The following RASA2 variants were observed in gnomAD, a reference collection of about 807,000 sequenced individuals.
RASA2 encodes the protein RAS p21 protein activator 2, also known as ras GTPase-activating protein 2.
Under a neutral mutation model 118.2 loss-of-function variants are expected in RASA2, and 155 were observed. The observed-to-expected ratio is 1.31, with a 90% CI of 1.15 to 1.50. The LOEUF is 1.50. RASA2 is among the 40% of genes most tolerant of loss of function. RASA2 has a pLI of 0.00. For missense variants in RASA2, 1,016 were observed against 1,009.6 expected (o/e 1.01, Z -0.09); for synonymous variants, 353 against 349.1 (o/e 1.01, Z -0.12).
chr3:141,536,119 G>A (rs879732881), intron 4 of RASA2, among the ~76,000 whole-genome samples: 10 of 152,120 alleles, frequency 6.6e-5, no homozygotes, highest in South Asian at 2.1e-4. Flanking sequence ...CCATTTTCAC[G>A]CTGCTGATAA....
chr3:141,600,771 T>C (rs2083451016), intron 19 of RASA2, among the ~76,000 whole-genome samples: 1 of 152,046 alleles, frequency 6.6e-6, no homozygotes, highest in Non-Finnish European at 1.5e-5. Flanking sequence ...CCACTCCAAA[T>C]CCCAGCCAGT....
chr3:141,571,492 G>A lies in RASA2; in HGVS notation c.1107G>A (p.Leu369=). Residue 369 remains leucine, a synonymous_variant, in exon 11 of 24, where the codon CTG becomes CTA. Coordinates refer to ENST00000286364, the MANE Select transcript of RASA2 (RefSeq NM_006506.5). ...TTTTGCCCCTTGTACGACTGCTGCTGCACCATGATAAACTTGTTCCTTTTG... is the reference window on the plus strand; with the variant it reads ...TTTTGCCCCTTGTACGACTGCTGCTACACCATGATAAACTTGTTCCTTTTG... ...DAVLPLVRLL[L]HHDKLVPFAT... is the part of the protein sequence containing the mutation. 3.1e-6 allele frequency: 5 copies of A among 1,613,120 alleles called. No individual in the cohort carries two copies. The highest frequency in any genetic ancestry group is 2.2e-5 in the South Asian group (2 of 90,960).
At chr3:141,555,812 A>T in intron 6 of RASA2, 28 bp from the exon 7 acceptor site, 1 of 1,575,932 alleles carries the variant, frequency 6.3e-7, no homozygotes, top group Non-Finnish European at 8.7e-7. Context: ...TAAGTTCTAC[A>T]AGGTAAAACT....
At chr3:141,593,505 A>C (rs958878092) in intron 19 of RASA2, among the ~76,000 whole-genome samples, 2 of 152,160 alleles carry the variant, frequency 1.3e-5, no homozygotes, top group African/African-American at 2.4e-5. Context: ...TGAGGCATAA[A>C]GAGGAGTTCT....
chr3:141,612,341 G>T lies in RASA2; in HGVS notation c.*28G>T. ...TTTAACAGATTGGTTCAGAAGAACT[G>T]GAAAATATTATTTTTCTTGGAGCTT... On this transcript the variant is annotated 3_prime_UTR_variant, in exon 24 of 24. Coordinates refer to ENST00000286364, the MANE Select transcript of RASA2 (RefSeq NM_006506.5). The T allele has an allele frequency of 6.5e-7, 1 of 1,539,002 alleles. No homozygotes were observed. Among genetic ancestry groups the T allele is most frequent in the South Asian group, 1.2e-5 (1 of 84,324 alleles).
chr3:141,515,389 C>T (rs1283775794), intron 2 of RASA2, among the ~76,000 whole-genome samples: 1 of 152,056 alleles, frequency 6.6e-6, no homozygotes, highest in African/African-American at 2.4e-5. Flanking sequence ...AAATGGTCCA[C>T]CTTAGGTGAG....
chr3:141,487,329 G>C, intron 1 of RASA2, 113 bp downstream of exon 1: 4 of 1,163,574 alleles, frequency 3.4e-6, no homozygotes, highest in Non-Finnish European at 4.3e-6. Flanking sequence ...GCGGGCCCGG[G>C]AGGGGGCCTG....
At chr3:141,505,871 A>G (rs2081858691) in intron 1 of RASA2, among the ~76,000 whole-genome samples, 1 of 152,184 alleles carries the variant, frequency 6.6e-6, no homozygotes, top group Non-Finnish European at 1.5e-5. Context: ...TAAGATATGT[A>G]TGATTTAGGA....
intron 19 of RASA2, among the ~76,000 whole-genome samples, chr3:141,599,283 TTA>T (rs1472220087): frequency 6.6e-6 from 1 of 151,526 alleles, no homozygotes; most frequent in African/African-American, 2.4e-5. Flanking sequence ...TAATTTTATT[TTA>T]TGTTACTCTG....
chr3:141,593,140 C>T (rs1369652110), intron 19 of RASA2, among the ~76,000 whole-genome samples: 1 of 152,120 alleles, frequency 6.6e-6, no homozygotes, highest in Non-Finnish European at 1.5e-5. Flanking sequence ...CTCCACCTCC[C>T]AGGTTTAAGT....
chr3:141,572,385 C>T (rs992696819), intron 11 of RASA2, among the ~76,000 whole-genome samples: 1 of 152,114 alleles, frequency 6.6e-6, no homozygotes, highest in Non-Finnish European at 1.5e-5. Context: ...AGCCATCACA[C>T]CTGGCCATTA....
chr3:141,536,872 C>G (rs539696044), intron 4 of RASA2, among the ~76,000 whole-genome samples: 2 of 151,706 alleles, frequency 1.3e-5, no homozygotes, highest in Non-Finnish European at 2.9e-5. Context: ...CTCAGCCTCC[C>G]GAATAGCTGG....
intron 4 of RASA2, among the ~76,000 whole-genome samples, chr3:141,536,654 A>G (rs887219127): frequency 3.9e-5 from 6 of 152,196 alleles, no homozygotes; most frequent in Admixed American, 3.3e-4. Context: ...ACATACATGA[A>G]AAGTATACTG....
intron 5 of RASA2, among the ~76,000 whole-genome samples, chr3:141,548,939 G>A (rs1490286710): frequency 1.3e-5 from 2 of 152,122 alleles, no homozygotes; most frequent in East Asian, 3.9e-4. Flanking sequence ...CTTCCTCTGT[G>A]TTCAATCTGC....
intron 1 of RASA2, among the ~76,000 whole-genome samples, chr3:141,504,337 AC>A (rs2151074835): frequency 6.6e-6 from 1 of 152,210 alleles, no homozygotes; most frequent in South Asian, 2.1e-4. Context: ...TTGTCCTTGG[AC>A]AGATTGTCTG....
intron 3 of RASA2, among the ~76,000 whole-genome samples, chr3:141,523,751 A>T (rs1295734787): frequency 6.6e-6 from 1 of 151,964 alleles, no homozygotes; most frequent in Non-Finnish European, 1.5e-5. Flanking sequence ...CCGACCCCTC[A>T]CTCCACCTTG....
At chr3:141,598,827 A>G (rs1245333357) in intron 19 of RASA2, among the ~76,000 whole-genome samples, 4 of 152,094 alleles carry the variant, frequency 2.6e-5, no homozygotes, top group Non-Finnish European at 5.9e-5. Flanking sequence ...GTTCACGCCT[A>G]TAATCCCAGC....
At chr3:141,559,736 C>G (rs1407347574) in intron 8 of RASA2, among the ~76,000 whole-genome samples, 158 bp from the exon 9 acceptor site, 1 of 152,096 alleles carries the variant, frequency 6.6e-6, no homozygotes, top group African/African-American at 2.4e-5. Flanking sequence ...TTTTGCTTCT[C>G]TAGTCTGGAT....
intron 1 of RASA2, among the ~76,000 whole-genome samples, chr3:141,489,492 G>A (rs904027997): frequency 2.6e-5 from 4 of 152,190 alleles, no homozygotes; most frequent in South Asian, 4.1e-4. Flanking sequence ...GGGTGTAACC[G>A]TGTCAGCTTT....
Sources: gnomAD v4.1 joint callset for allele counts (sites outside exome capture counted in the v4.1 genomes callset) on GRCh38, gnomAD v4.1.1 for gene constraint, MANE v1.5 for transcripts, NCBI Gene and HGNC (gene_info 2026-07-23, HGNC 2026-07-21) for gene names.